The following ZNF804B variants were observed in gnomAD, a reference collection of about 807,000 sequenced individuals.
The protein encoded by ZNF804B is zinc finger protein 804B, also known as zinc finger 804B.
A neutral mutation model predicts 101.4 loss-of-function variants in ZNF804B; 80 were observed. The observed-to-expected ratio is 0.79, with a 90% confidence interval of 0.66 to 0.95. The LOEUF (loss-of-function observed/expected upper bound fraction) is 0.95. Ranked by LOEUF, ZNF804B falls within the 40% of genes least tolerant of loss-of-function variation. ZNF804B has a pLI of 0.00. For synonymous variants in ZNF804B, 622 were observed against 558.8 expected (o/e 1.11, Z -1.59); for missense variants, 1,673 against 1,561.9 (o/e 1.07, Z -1.20).
intron 2 of ZNF804B, among the ~76,000 whole-genome samples, chr7:89,323,835 A>C (rs1428419712): frequency 6.6e-6 from 1 of 152,128 alleles, no homozygotes; most frequent in East Asian, 1.9e-4. Flanking sequence ...GAGCTGATTC[A>C]TTACACACCC....
chr7:89,302,949 A>T (rs940323547), intron 2 of ZNF804B, among the ~76,000 whole-genome samples: 3 of 152,014 alleles, frequency 2.0e-5, no homozygotes, highest in African/African-American at 7.2e-5. Context: ...AGCTGATTTA[A>T]AAGTAAATTT....
At chr7:89,184,425 T>C (rs1256956392) in intron 1 of ZNF804B, among the ~76,000 whole-genome samples, 1 of 152,156 alleles carries the variant, frequency 6.6e-6, no homozygotes, top group Non-Finnish European at 1.5e-5. Context: ...AGCCTTCTCT[T>C]AGAGAAGAAA....
chr7:88,946,780 A>T (rs767688211), intron 1 of ZNF804B, among the ~76,000 whole-genome samples: 6 of 151,794 alleles, frequency 4.0e-5, no homozygotes, highest in Non-Finnish European at 7.4e-5. Flanking sequence ...CAATTTCAGA[A>T]CTTGTTATTG....
chr7:89,158,409 G>C (rs568112845), intron 1 of ZNF804B, among the ~76,000 whole-genome samples: 1 of 152,022 alleles, frequency 6.6e-6, no homozygotes, highest in Non-Finnish European at 1.5e-5. Flanking sequence ...ACCATATCCC[G>C]TTAGCTTCAT....
chr7:88,822,907 A>T (rs1403520611), intron 1 of ZNF804B, among the ~76,000 whole-genome samples: 1 of 152,146 alleles, frequency 6.6e-6, no homozygotes, highest in South Asian at 2.1e-4. Flanking sequence ...ATGTAAGTCT[A>T]GTTATAAAAA....
At chr7:88,818,958 T>A (rs1453504465) in intron 1 of ZNF804B, among the ~76,000 whole-genome samples, 5 of 152,154 alleles carry the variant, frequency 3.3e-5, no homozygotes, top group African/African-American at 9.7e-5. Context: ...GTGAGGTTGA[T>A]ATAATTAGAA....
chr7:88,812,241 G>T (rs1288063438), intron 1 of ZNF804B, among the ~76,000 whole-genome samples: 3 of 152,108 alleles, frequency 2.0e-5, no homozygotes, highest in Non-Finnish European at 4.4e-5. Flanking sequence ...CCTTTATCCA[G>T]TCCAAAAGTC....
At chr7:89,328,792 AC>A (rs1478353023) in intron 3 of ZNF804B, among the ~76,000 whole-genome samples, 1 of 151,918 alleles carries the variant, frequency 6.6e-6, no homozygotes, top group Non-Finnish European at 1.5e-5. Context: ...CCTTAAGGGC[AC>A]AACAGTAAAT....
At chr7:88,890,063 A>G (rs1792193149) in intron 1 of ZNF804B, among the ~76,000 whole-genome samples, 1 of 152,112 alleles carries the variant, frequency 6.6e-6, no homozygotes, top group African/African-American at 2.4e-5. Flanking sequence ...ATAAAATTAT[A>G]TTGACAATAA....
intron 1 of ZNF804B, among the ~76,000 whole-genome samples, chr7:88,800,086 T>C (rs1328401953): frequency 5.1e-4 from 78 of 152,124 alleles, no homozygotes; most frequent in Non-Finnish European, 2.6e-4. Context: ...TTATGTCTTA[T>C]ATCAAAATGA....
At chr7:88,854,426 T>TCTTTCTTC (rs1554340168) in intron 1 of ZNF804B, among the ~76,000 whole-genome samples, 9 of 88,006 alleles carry the variant, frequency 1.0e-4, no homozygotes, top group Non-Finnish European at 1.9e-4. Flanking sequence ...TTTCTTTCTT[T>TCTTTCTTC]CTTTCTTTCT....
chr7:89,279,858 G>A (rs1034978749), intron 2 of ZNF804B, among the ~76,000 whole-genome samples: 3 of 151,786 alleles, frequency 2.0e-5, no homozygotes, highest in East Asian at 1.9e-4. Flanking sequence ...AGGGTGATGC[G>A]GGCCTCATAG....
At chr7:89,095,463 A>G (rs1789958663) in intron 1 of ZNF804B, among the ~76,000 whole-genome samples, 2 of 152,216 alleles carry the variant, frequency 1.3e-5, no homozygotes, top group Non-Finnish European at 2.9e-5. Context: ...GCAAGAGACA[A>G]TTATAACAAA....
At chr7:89,128,398 A>G (rs1584002681) in intron 1 of ZNF804B, among the ~76,000 whole-genome samples, 1 of 151,998 alleles carries the variant, frequency 6.6e-6, no homozygotes, top group Non-Finnish European at 1.5e-5. Flanking sequence ...AATTAGTTAT[A>G]TAGAATTTTA....
chr7:89,139,140 A>G (rs1393455167), intron 1 of ZNF804B, among the ~76,000 whole-genome samples: 2 of 152,176 alleles, frequency 1.3e-5, no homozygotes, highest in African/African-American at 4.8e-5. Context: ...TCTCATGCAT[A>G]TAAAAGTTAT....
intron 1 of ZNF804B, among the ~76,000 whole-genome samples, chr7:89,111,209 G>A (rs75029504): frequency 0.029 from 4,383 of 152,194 alleles, 71 homozygotes; most frequent in African/African-American, 0.035. Context: ...GTTTTTGTAT[G>A]GACATAAAAG....
chr7:88,994,909 A>G (rs1793898793), intron 1 of ZNF804B, among the ~76,000 whole-genome samples: 1 of 152,108 alleles, frequency 6.6e-6, no homozygotes, highest in South Asian at 2.1e-4. Context: ...ATAAAAATTA[A>G]TTCCAGAGTA....
chr7:89,264,806 G>C (rs1789760287), intron 2 of ZNF804B, among the ~76,000 whole-genome samples: 1 of 152,024 alleles, frequency 6.6e-6, no homozygotes, highest in Non-Finnish European at 1.5e-5. Context: ...AACTCTCACT[G>C]GCACATCTCC....
chr7:89,280,730 C>G (rs907141092), intron 2 of ZNF804B, among the ~76,000 whole-genome samples: 17 of 152,126 alleles, frequency 1.1e-4, no homozygotes, highest in South Asian at 6.2e-4. Context: ...CTGAATAGAC[C>G]AATAACAGTA....
Sources: gnomAD v4.1 joint callset for allele counts (sites outside exome capture counted in the v4.1 genomes callset) on GRCh38, gnomAD v4.1.1 for gene constraint, MANE v1.5 for transcripts, NCBI Gene and HGNC (gene_info 2026-07-23, HGNC 2026-07-21) for gene names.